The following CELF2 variants were observed in gnomAD, a reference collection of about 807,000 sequenced individuals.
CELF2 encodes the protein CUGBP Elav-like family member 2.
In CELF2, 8 loss-of-function variants were observed where a neutral mutation model predicts 62.6. That is an observed-to-expected ratio of 0.13 (90% CI 0.07 to 0.23). CELF2 has a LOEUF of 0.23. Ranked by LOEUF, CELF2 falls within the 10% of genes least tolerant of loss-of-function variation. CELF2 has a pLI of 1.00. For missense variants in CELF2, 333 were observed against 671.0 expected (o/e 0.50, Z 5.56); for synonymous variants, 258 against 250.0 (o/e 1.03, Z -0.30).
At chr10:10,549,965 C>T in the CELF2 span, among the ~76,000 whole-genome samples, 6 of 152,138 alleles carry the variant, frequency 3.9e-5, no homozygotes, top group African/African-American at 1.4e-4. Context: ...CAGGATTTGT[C>T]ATGGAAGAAC....
chr10:10,813,870 C>A (rs1028519499), intron 1 of CELF2, among the ~76,000 whole-genome samples: 1 of 152,166 alleles, frequency 6.6e-6, no homozygotes, highest in East Asian at 1.9e-4. Context: ...AACAGGGAGA[C>A]TGAACTACAA....
rs112824655 is a variant in CELF2, at chr10:11,012,375, A to G, written c.53+6935A>G. ...CAAAGCTTTGGCTCTCTTAATCCTC[A>G]CTCTTTTTTCAAGATGTATTTGTTC... On this transcript the variant is annotated intron_variant, in intron 1 of 12. Coordinates refer to the CELF2 transcript ENST00000416382. The surrounding 1 kb of genome is among the most constrained non-coding windows in gnomAD (Gnocchi z 5.5). Among the ~76,000 whole-genome samples, 437 of 151,806 alleles carry G rather than the reference A, an allele frequency of 2.9e-3. No individual in the cohort carries two copies. Among genetic ancestry groups the G allele is most frequent in the Non-Finnish European group, 4.9e-3 (330 of 67,922 alleles).
At chr10:10,503,630 A>G in the CELF2 span, among the ~76,000 whole-genome samples, 1 of 151,958 alleles carries the variant, frequency 6.6e-6, no homozygotes, top group African/African-American at 2.4e-5. Context: ...TTTATTATGG[A>G]TAGTATATCA....
chr10:11,114,934 T>G (rs1296886092), intron 1 of CELF2, among the ~76,000 whole-genome samples: 2 of 152,204 alleles, frequency 1.3e-5, no homozygotes, highest in African/African-American at 4.8e-5. Context: ...TATGTAATTC[T>G]GTCCCTTTAG....
chr10:11,089,688 A>C (rs755586426), intron 1 of CELF2, among the ~76,000 whole-genome samples: 14 of 152,214 alleles, frequency 9.2e-5, no homozygotes, highest in Non-Finnish European at 1.5e-5. Context: ...GGTATATCCA[A>C]AGGAGAAGAA....
At position 10,829,403 on chromosome 10, in the gene CELF2, G is replaced by A. The variant is rs557602684; in HGVS notation, c.53+30586G>A. Among the ~76,000 whole-genome samples, 4 of 152,140 alleles carry A rather than the reference G, an allele frequency of 2.6e-5. No homozygotes were observed. The East Asian group carries it at 5.8e-4, about 22-fold the overall frequency. Reference sequence around the variant, plus strand: ...TCCAACCTAATTGTTAACAAGCTGTGGACCTTGATTGGCTATATCACCCCA... The same window carrying A: ...TCCAACCTAATTGTTAACAAGCTGTAGACCTTGATTGGCTATATCACCCCA... On this transcript the variant is annotated intron_variant, in intron 1 of 13. Transcript: ENST00000636488.
At chr10:10,477,656 G>A in the CELF2 span, among the ~76,000 whole-genome samples, 1 of 151,540 alleles carries the variant, frequency 6.6e-6, no homozygotes, top group African/African-American at 2.4e-5. Flanking sequence ...TCGACAGACT[G>A]TTTTTATATG....
upstream of CELF2, among the ~76,000 whole-genome samples, chr10:11,002,380 C>A (rs542772460): frequency 6.6e-6 from 1 of 152,250 alleles, no homozygotes; most frequent in South Asian, 2.1e-4. This position sits in a 1 kb window ranked among gnomAD's most constrained non-coding sequence, Gnocchi z 4.4. Context: ...AGAGCCAAAC[C>A]GTATCACTAT....
At chr10:10,978,905 G>A (rs914598386) in intron 2 of CELF2, among the ~76,000 whole-genome samples, 7 of 152,248 alleles carry the variant, frequency 4.6e-5, no homozygotes, top group African/African-American at 1.7e-4. Context: ...ATGCCTTTTT[G>A]GAAGTTAATA....
Position 11,018,148 on chromosome 10 carries a change from T to G in CELF2, c.59T>G (p.Leu20Arg). 6.6e-7 allele frequency: 1 copy of G among 1,523,498 alleles called. No homozygotes were observed. The highest frequency in any genetic ancestry group is 8.8e-7 in the Non-Finnish European group (1 of 1,133,234). 94.4% of individuals were successfully genotyped at this position (1,523,498 alleles called of 1,614,324 possible). A position where few individuals can be genotyped will look rare whatever the true frequency, so the allele number is the denominator to read the frequency against. ...LPDMMVEGRLLVPDRINGTAN... is the reference protein window; with the variant it reads ...LPDMMVEGRLRVPDRINGTAN... ...GACATGATGGTCGAGGGCCGCCTGC[T>G]CGTTCCTGACAGAATGTGAGTGGCG... The change falls in exon 1 of 13, where the codon CTC (leucine) becomes CGC (arginine). Residue 20 changes from leucine (L) to arginine (R), a missense_variant. Around this residue, in one of 3 missense-constraint regions of CELF2, gnomAD observed 45 missense variants for 39.8 expected, o/e 1.13. Coordinates refer to ENST00000633077, the MANE Select transcript of CELF2 (RefSeq NM_001326342.2).
chr10:10,534,714 A>C, the CELF2 span, among the ~76,000 whole-genome samples: 1 of 152,194 alleles, frequency 6.6e-6, no homozygotes, highest in Non-Finnish European at 1.5e-5. Flanking sequence ...CACTTTTAAG[A>C]AATAGTTAAC....
the CELF2 span, among the ~76,000 whole-genome samples, chr10:10,594,172 C>G: frequency 3.9e-5 from 6 of 152,110 alleles, no homozygotes; most frequent in Admixed American, 2.6e-4. Flanking sequence ...ATTGGCAAAA[C>G]AGGAAAACTG....
chr10:11,189,057 A>C (rs1048636712), intron 2 of CELF2, among the ~76,000 whole-genome samples: 1 of 152,142 alleles, frequency 6.6e-6, no homozygotes, highest in Non-Finnish European at 1.5e-5. Flanking sequence ...TTGTCTGCTA[A>C]TTCTAGCATC....
At chr10:11,072,425 G>T (rs373126316) in intron 1 of CELF2, among the ~76,000 whole-genome samples, 1 of 152,176 alleles carries the variant, frequency 6.6e-6, no homozygotes, top group African/African-American at 2.4e-5. Context: ...TGTGTTTCCT[G>T]CATATTGCTA....
intron 1 of CELF2, among the ~76,000 whole-genome samples, chr10:11,114,520 C>G (rs146712135): frequency 2.0e-5 from 3 of 152,334 alleles, no homozygotes; most frequent in African/African-American, 7.2e-5. Flanking sequence ...CTTACTTACA[C>G]TCTCGTCGAG....
chr10:11,074,415 T>C (rs1421657175), intron 1 of CELF2, among the ~76,000 whole-genome samples: 2 of 152,216 alleles, frequency 1.3e-5, no homozygotes, highest in African/African-American at 4.8e-5. Flanking sequence ...ATATGTCAGC[T>C]TATCCTAAAG....
intron 2 of CELF2, among the ~76,000 whole-genome samples, chr10:10,923,217 C>T (rs981912802): frequency 1.3e-5 from 2 of 152,164 alleles, no homozygotes; most frequent in Admixed American, 6.5e-5. Flanking sequence ...GGTGCGCTTA[C>T]GCTGTGACGT....
chr10:10,496,341 T>C, the CELF2 span, among the ~76,000 whole-genome samples: 1 of 152,202 alleles, frequency 6.6e-6, no homozygotes, highest in African/African-American at 2.4e-5. Flanking sequence ...AAACACCTCC[T>C]TTAGAAGCTA....
chr10:11,290,135 C>A lies in CELF2; in HGVS notation c.976+1583C>A, dbSNP rs1424463545. On this transcript the variant is annotated intron_variant, in intron 9 of 12. Transcript: ENST00000633077. This position sits in a 1 kb window ranked among gnomAD's most constrained non-coding sequence, Gnocchi z 4.3. ...TAACTCAAAAATCATATCCCAAAAG[C>A]GCTTTGTGGTGTGAGCAGGACAGAT... 1.3e-5 allele frequency among the ~76,000 whole-genome samples: 2 copies of A among 152,156 alleles called. No homozygotes were observed. Among genetic ancestry groups the A allele is most frequent in the Admixed American group, 6.5e-5 (1 of 15,278 alleles).
Sources: allele counts gnomAD v4.1 joint callset (sites outside exome capture counted in the v4.1 genomes callset), GRCh38; gene constraint gnomAD v4.1.1; regional missense constraint gnomAD v4.1.1; non-coding constraint Gnocchi (gnomAD v3.1); transcripts MANE v1.5; gene names NCBI Gene and HGNC (gene_info 2026-07-23, HGNC 2026-07-21).